ANAPC15: variants seen among roughly 807,000 people sequenced by gnomAD.
ANAPC15 encodes anaphase-promoting complex subunit 15.
ANAPC15 carries 13 observed loss-of-function variants against 19.8 expected under a neutral mutation model. The observed-to-expected ratio is 0.66, with a 90% CI of 0.43 to 1.04. The LOEUF (loss-of-function observed/expected upper bound fraction) is 1.04, where lower values mean the gene tolerates loss of function less well. Ranked by LOEUF, ANAPC15 falls within the 50% of genes least tolerant of loss-of-function variation. ANAPC15 has a pLI of 0.00. For missense variants in ANAPC15, 88 were observed against 150.3 expected, an observed-to-expected ratio of 0.59 and a Z score of 2.17; for synonymous variants, 45 against 50.7, an observed-to-expected ratio of 0.89 and a Z score of 0.47.
chr11:72,108,958 C>A (rs1207040589), downstream of ANAPC15: 9 of 1,340,102 alleles, frequency 6.7e-6, no homozygotes, highest in Non-Finnish European at 8.8e-6. Flanking sequence ...CTGATGCCCA[C>A]CCCCACCCCC....
downstream of ANAPC15, chr11:72,108,940 G>T: frequency 6.7e-7 from 1 of 1,495,766 alleles, no homozygotes; most frequent in Non-Finnish European, 9.0e-7. Flanking sequence ...CAGGCCCAGG[G>T]GTACTTACTG....
downstream of ANAPC15, chr11:72,108,023 G>GC (rs1484533785): frequency 6.4e-7 from 1 of 1,551,500 alleles, no homozygotes; most frequent in African/African-American, 1.4e-5. Context: ...CCCGAGCCCT[G>GC]CCCCCTGGGG....
At chr11:72,108,705 G>T, downstream of ANAPC15, 1 of 1,548,764 alleles carries the variant, frequency 6.5e-7, no homozygotes, top group Non-Finnish European at 8.7e-7. Flanking sequence ...CACCGGCCAC[G>T]ATGTTACCTG....
intron 3 of ANAPC15, 61 bp downstream of exon 3, chr11:72,111,096 C>A (rs1365014327): frequency 4.0e-6 from 4 of 1,008,618 alleles, no homozygotes; most frequent in African/African-American, 6.1e-5. Flanking sequence ...TGGGTCATGG[C>A]CCACTGAAGG....
downstream of ANAPC15, chr11:72,109,296 C>A (rs995845513): frequency 6.4e-6 from 3 of 472,072 alleles, no homozygotes; most frequent in Admixed American, 7.1e-5. Context: ...CAGGGGCCTC[C>A]CAGTTCTCGG....
chr11:72,107,756 T>G (rs1945830152), downstream of ANAPC15, among the ~76,000 whole-genome samples: 2 of 152,268 alleles, frequency 1.3e-5, no homozygotes, highest in Non-Finnish European at 2.9e-5. Flanking sequence ...AAGACTACAC[T>G]GTAGGAGACG....
At chr11:72,108,391 T>C (rs549310495), downstream of ANAPC15, among the ~76,000 whole-genome samples, 2 of 152,340 alleles carry the variant, frequency 1.3e-5, no homozygotes, top group South Asian at 4.1e-4. Context: ...TACGTGACCT[T>C]GAGCAAAGCA....
Position 72,109,761 on chromosome 11 carries a change from C to T in ANAPC15, c.*120G>A, listed in dbSNP as rs1488402132. On this transcript the variant is annotated 3_prime_UTR_variant, in exon 6 of 6. Transcript: ENST00000227618. ...ATCCTGGCAGCAGCTGAGGAGGTGC[C>T]CAAGGGCACTTTCAGGCACTGGGGC... 1.5e-6 allele frequency: 2 copies of T among 1,296,424 alleles called. No homozygotes were observed. The highest frequency in any genetic ancestry group is 4.6e-5 in the East Asian group (2 of 43,264). The allele number at this position is 1,296,424 out of a possible 1,614,324, so 80.3% of individuals were successfully genotyped here. A position where few individuals can be genotyped will look rare whatever the true frequency, so the allele number is the denominator to read the frequency against.
downstream of ANAPC15, chr11:72,108,172 C>G: frequency 7.0e-7 from 1 of 1,424,920 alleles, no homozygotes; most frequent in East Asian, 2.5e-5. Flanking sequence ...GCCTTGCCCC[C>G]AGACATCCCT....
Position 72,110,074 on chromosome 11 carries a change from T to C in ANAPC15, c.318+14A>G. ...GTCCAGGAACAGAGGCCCTCCCCCA[T>C]ACCCCTTGCCTACCTCATTGACCTC... On this transcript the variant is annotated intron_variant, in intron 5 of 5. Coordinates refer to ENST00000227618, the MANE Select transcript of ANAPC15 (RefSeq NM_014042.3). The C allele has an allele frequency of 6.2e-7, 1 of 1,614,042 alleles. No homozygotes were observed. Among genetic ancestry groups the C allele is most frequent in the Non-Finnish European group, 8.5e-7 (1 of 1,180,000 alleles).
At chr11:72,109,540 T>C (rs1486085886), downstream of ANAPC15, 69 of 422,832 alleles carry the variant, frequency 1.6e-4, 1 homozygote, top group South Asian at 1.3e-3. Flanking sequence ...CAAAAGAAGA[T>C]GCTGGACTCC....
intron 3 of ANAPC15, 78 bp downstream of exon 3, chr11:72,111,079 G>A (rs1946746140): frequency 1.0e-6 from 1 of 989,046 alleles, no homozygotes; most frequent in African/African-American, 1.8e-5. Context: ...GATTTCTGGA[G>A]TAAGGCTGGG....
At chr11:72,109,518 C>T, downstream of ANAPC15, 2 of 396,500 alleles carry the variant, frequency 5.0e-6, no homozygotes, top group South Asian at 4.1e-5. Flanking sequence ...TGAGTGCCCT[C>T]TTCCTAAAGC....
At chr11:72,109,972 C>T in intron 5 of ANAPC15, 44 bp from the exon 6 acceptor site, 3 of 1,614,030 alleles carry the variant, frequency 1.9e-6, no homozygotes, top group Non-Finnish European at 2.5e-6. Flanking sequence ...CCTCAGCCAG[C>T]CTCAGCCCCA....
At chr11:72,112,613 G>C (rs1383664004) in intron 1 of ANAPC15, 37 bp downstream of exon 1, 1 of 453,946 alleles carries the variant, frequency 2.2e-6, no homozygotes, top group Middle Eastern at 3.3e-4. Flanking sequence ...GGAATGAAGG[G>C]GCAAGGAGAC....
chr11:72,110,419 T>C, intron 4 of ANAPC15, 125 bp downstream of exon 4: 1 of 1,523,556 alleles, frequency 6.6e-7, no homozygotes, highest in East Asian at 2.3e-5. Flanking sequence ...TATCTCCCCT[T>C]TTAGGCTTTT....
chr11:72,109,853 C>G lies in ANAPC15; in HGVS notation c.*28G>C. The G allele has an allele frequency of 6.2e-7, 1 of 1,612,644 alleles. No individual in the cohort carries two copies. The highest frequency in any genetic ancestry group is 2.0e-4 in the Middle Eastern group (1 of 4,906). ...AGGGTAGTTTGGGCTGGCCTGGAAT[C>G]TCCCTGAGGCCACCCTGCCTTGTCT... On this transcript the variant is annotated 3_prime_UTR_variant, in exon 6 of 6. Transcript: ENST00000227618.
chr11:72,109,412 G>A (rs564855453), downstream of ANAPC15: 6 of 457,026 alleles, frequency 1.3e-5, no homozygotes, highest in African/African-American at 1.0e-4. Context: ...AGCTGGGCCA[G>A]AGAAAATGGC....
chr11:72,110,956 C>A (rs1368696136), intron 3 of ANAPC15, among the ~76,000 whole-genome samples: 1 of 152,198 alleles, frequency 6.6e-6, no homozygotes, highest in East Asian at 1.9e-4. Context: ...TCTAATCTGG[C>A]CCAGAAGTCA....
Sources: allele counts gnomAD v4.1 joint callset (sites outside exome capture counted in the v4.1 genomes callset), GRCh38; gene constraint gnomAD v4.1.1; transcripts MANE v1.5; gene names NCBI Gene and HGNC (gene_info 2026-07-23, HGNC 2026-07-21).